The following MSN variants were observed in gnomAD, a reference collection of about 807,000 sequenced individuals.
MSN encodes the protein moesin.
MSN carries 2 observed loss-of-function variants against 48.0 expected under a neutral mutation model. That is an observed-to-expected ratio of 0.04 (90% CI 0.02 to 0.13). The LOEUF is 0.13. Ranked by LOEUF, MSN falls within the 10% of genes least tolerant of loss-of-function variation. The probability of loss-of-function intolerance (pLI) is 1.00; values close to 1 mark genes in which losing one functional copy is unlikely to be tolerated. For missense variants in MSN, 267 were observed against 470.1 expected, an observed-to-expected ratio of 0.57 and a Z score of 3.99; for synonymous variants, 146 against 166.9, an observed-to-expected ratio of 0.87 and a Z score of 0.97.
At chrX:65,664,834 C>T (rs1325774898), upstream of MSN, among the ~76,000 whole-genome samples, 1 of 108,542 alleles carries the variant, frequency 9.2e-6, no homozygotes, top group Non-Finnish European at 1.9e-5. Flanking sequence ...ACTGCAGCCT[C>T]TGCCTTCTGG....
intron 1 of MSN, among the ~76,000 whole-genome samples, chrX:65,605,787 T>C (rs1297031615): frequency 9.0e-6 from 1 of 111,729 alleles, no homozygotes; most frequent in Non-Finnish European, 1.9e-5. Context: ...CCTGATTCAC[T>C]CCTTCCTCAG....
intron 1 of MSN, among the ~76,000 whole-genome samples, chrX:65,683,710 A>C (rs1203186452): frequency 9.0e-6 from 1 of 111,071 alleles, no homozygotes; most frequent in Non-Finnish European, 1.9e-5. Flanking sequence ...GAAAGTTAAC[A>C]GACACAATCT....
At chrX:65,692,956 G>GA (rs1308926719) in intron 1 of MSN, among the ~76,000 whole-genome samples, 1 of 111,951 alleles carries the variant, frequency 8.9e-6, no homozygotes, top group East Asian at 2.8e-4. Context: ...TTTTAAAAAA[G>GA]AAAAAAGAAT....
chrX:65,728,849 C>T (rs2071594919), intron 3 of MSN, among the ~76,000 whole-genome samples: 1 of 111,260 alleles, frequency 9.0e-6, no homozygotes, highest in East Asian at 2.8e-4. Context: ...ACTGGCTGGC[C>T]TTGTCCTTAG....
At chrX:65,592,192 CTTTT>C (rs1176549178) in intron 1 of MSN, among the ~76,000 whole-genome samples, 2 of 76,919 alleles carry the variant, frequency 2.6e-5, no homozygotes, top group Non-Finnish European at 4.8e-5. Context: ...CTCTTCATCC[CTTTT>C]TTTTTTTTTT....
intron 1 of MSN, among the ~76,000 whole-genome samples, chrX:65,613,716 G>T (rs781159210): frequency 8.9e-6 from 1 of 112,043 alleles, no homozygotes; most frequent in South Asian, 3.7e-4. Context: ...TTTTGATGGG[G>T]TTGTTTGATT....
At chrX:65,664,008 C>T (rs1411325208), upstream of MSN, among the ~76,000 whole-genome samples, 1 of 103,936 alleles carries the variant, frequency 9.6e-6, no homozygotes, top group Non-Finnish European at 2.0e-5. Context: ...TGAAGTGAGC[C>T]GAGATCACGC....
chrX:65,633,684 T>C, intron 1 of MSN, among the ~76,000 whole-genome samples: 1 of 112,282 alleles, frequency 8.9e-6, no homozygotes, highest in Non-Finnish European at 1.9e-5. Flanking sequence ...CAGCCTCTTC[T>C]TCCTCTGAGC....
At position 65,739,722 on chromosome X, in the gene MSN, C is replaced by T. The variant is rs1379690706; in HGVS notation, c.1570-7C>T. 2 of 1,201,330 alleles carry T rather than the reference C, an allele frequency of 1.7e-6. No individual in the cohort carries two copies. Among genetic ancestry groups the T allele is most frequent in the African/African-American group, 3.5e-5 (2 of 56,603 alleles). On this transcript the variant is annotated splice_region_variant and splice_polypyrimidine_tract_variant and intron_variant, in intron 12 of 12. Transcript: ENST00000360270. ...ATTGACCTCTGTGTTCCCATACATCCTCACAGGCCCTCACTTCGGAGCTGG... is the reference window on the plus strand; with the variant it reads ...ATTGACCTCTGTGTTCCCATACATCTTCACAGGCCCTCACTTCGGAGCTGG...
chrX:65,634,383 T>A (rs2070582337), intron 1 of MSN, among the ~76,000 whole-genome samples: 1 of 112,043 alleles, frequency 8.9e-6, no homozygotes, highest in South Asian at 3.7e-4. Context: ...GTGGCCGAGG[T>A]GGGTGGATCA....
intron 1 of MSN, among the ~76,000 whole-genome samples, chrX:65,590,816 CCAG>C (rs1249574708): frequency 4.5e-5 from 5 of 111,107 alleles, no homozygotes; most frequent in Non-Finnish European, 9.4e-5. Context: ...TGGGGGAAAA[CCAG>C]CAGCAGCAGT....
intron 1 of MSN, among the ~76,000 whole-genome samples, chrX:65,670,615 C>T (rs916303428): frequency 1.9e-5 from 2 of 108,097 alleles, no homozygotes; most frequent in Non-Finnish European, 3.8e-5. Context: ...CCCAGCTACT[C>T]GGGAAGCTGA....
intron 1 of MSN, among the ~76,000 whole-genome samples, chrX:65,704,806 G>A (rs910935046): frequency 3.9e-5 from 4 of 103,002 alleles, no homozygotes; most frequent in African/African-American, 7.3e-5. Flanking sequence ...GTCTTGCTCC[G>A]TCACCCAGGC....
At chrX:65,620,625 A>T (rs774244037) in intron 1 of MSN, among the ~76,000 whole-genome samples, 79 of 112,645 alleles carry the variant, frequency 7.0e-4, no homozygotes, top group South Asian at 1.5e-3. Context: ...CCCTAGTGAG[A>T]TGAACCCGGT....
At chrX:65,667,522 G>A, upstream of MSN, 48 of 605,202 alleles carry the variant, frequency 7.9e-5, no homozygotes, top group Non-Finnish European at 9.7e-5. Flanking sequence ...GGCCGCTGTG[G>A]CCTGGCTGCG....
chrX:65,609,695 A>AGT (rs1379778254), intron 1 of MSN, among the ~76,000 whole-genome samples: 1 of 111,644 alleles, frequency 9.0e-6, no homozygotes, highest in East Asian at 2.8e-4. Context: ...CATCCTGGCT[A>AGT]ACACGGTGAA....
upstream of MSN, among the ~76,000 whole-genome samples, chrX:65,665,423 C>T (rs2070860234): frequency 8.9e-6 from 1 of 111,864 alleles, no homozygotes; most frequent in Admixed American, 9.5e-5. Flanking sequence ...TTGGGCTTTC[C>T]GATGAGTGCT....
chrX:65,588,677 CCT>C (rs890251296), intron 1 of MSN: 1 of 770,453 alleles, frequency 1.3e-6, no homozygotes, highest in African/African-American at 2.3e-5. Context: ...CAGCCTGTGC[CCT>C]CTTTTTTTGC....
At chrX:65,726,233 A>C (rs975849993) in intron 2 of MSN, among the ~76,000 whole-genome samples, 1 of 111,685 alleles carries the variant, frequency 9.0e-6, no homozygotes, top group African/African-American at 3.3e-5. Context: ...AGACAAGGCA[A>C]TTAATCACTT....
Sources: allele counts gnomAD v4.1 joint callset (sites outside exome capture counted in the v4.1 genomes callset), GRCh38; gene constraint gnomAD v4.1.1; transcripts MANE v1.5; gene names NCBI Gene and HGNC (gene_info 2026-07-23, HGNC 2026-07-21).